Variants in STAB2 observed in about 807,000 individuals in gnomAD.
The protein encoded by STAB2 is stabilin 2.
Under a neutral mutation model 338.1 loss-of-function variants are expected in STAB2, and 288 were observed. That is an observed-to-expected ratio of 0.85 (90% CI 0.77 to 0.94). The LOEUF (loss-of-function observed/expected upper bound fraction) is 0.94. STAB2 is among the 40% of genes least tolerant of loss of function. STAB2 has a pLI of 0.00. For missense variants in STAB2, 3,141 were observed against 3,210.1 expected, an observed-to-expected ratio of 0.98 and a Z score of 0.52; for synonymous variants, 1,202 against 1,193.3, an observed-to-expected ratio of 1.01 and a Z score of -0.15.
chr12:103,595,430 A>T (rs1956860708), intron 3 of STAB2, among the ~76,000 whole-genome samples: 1 of 152,176 alleles, frequency 6.6e-6, no homozygotes, highest in Admixed American at 6.5e-5. Context: ...AAAAAATATC[A>T]ATTTGTATTC....
chr12:103,713,872 T>G, intron 42 of STAB2, 104 bp downstream of exon 42: 1 of 1,531,064 alleles, frequency 6.5e-7, no homozygotes, highest in South Asian at 1.2e-5. Flanking sequence ...AAAACTGAGG[T>G]CAGTATTCCA....
Position 103,674,104 on chromosome 12 carries a change from A to C in STAB2, c.2552+17A>C. On this transcript the variant is annotated intron_variant, in intron 23 of 68. Transcript: ENST00000388887. ...GACAGCCAGGTAGGTCTGTGAGGGA[A>C]TGGCCCTTAATGACGCTGAGTCATT... The C allele has an allele frequency of 6.3e-7, 1 of 1,599,860 alleles. No individual in the cohort carries two copies. The highest frequency in any genetic ancestry group is 8.6e-7 in the Non-Finnish European group (1 of 1,169,284).
chr12:103,626,449 T>A (rs1217427079), intron 5 of STAB2, among the ~76,000 whole-genome samples: 1 of 152,188 alleles, frequency 6.6e-6, no homozygotes, highest in Non-Finnish European at 1.5e-5. Context: ...CCTAAACCTT[T>A]CTCATCTATA....
chr12:103,652,579 T>C lies in STAB2; in HGVS notation c.1281T>C (p.Asn427=), dbSNP rs1046562984. Reference sequence around the variant, plus strand: ...AGGTAAATGAGCTTTTGGTGGATAATAAAGCTGCTCAATACTTTGTGAAAC... The same window carrying C: ...AGGTAAATGAGCTTTTGGTGGATAACAAAGCTGCTCAATACTTTGTGAAAC... The part of the protein sequence containing the change: ...GFNVNELLVD[N]KAAQYFVKLH... Residue 427 remains asparagine (N), a synonymous_variant, in exon 12 of 69, where the codon AAT becomes AAC. Transcript: ENST00000388887. The C allele has an allele frequency of 6.3e-7, 1 of 1,596,202 alleles. No homozygotes were observed. Among genetic ancestry groups the C allele is most frequent in the Non-Finnish European group, 8.5e-7 (1 of 1,173,648 alleles).
Position 103,745,215 on chromosome 12 carries a change from C to G in STAB2, c.6074C>G (p.Thr2025Arg). Residue 2025 changes from threonine (T) to arginine (R), a missense_variant, in exon 57 of 69, where the codon ACG becomes AGG. By Grantham distance (71) the Thr-to-Arg change is moderately conservative. Transcript: ENST00000388887. Reference sequence around the variant, plus strand: ...CACGGACAGTGCGATGATGGCATCACGGGCTCCGGGCAGTGCCTCTGTGAA... The same window carrying G: ...CACGGACAGTGCGATGATGGCATCAGGGGCTCCGGGCAGTGCCTCTGTGAA... The part of the protein sequence containing the change: ...SDHGQCDDGI[T>R]GSGQCLCETG... 1 of 1,614,034 alleles carries G rather than the reference C, an allele frequency of 6.2e-7. No homozygotes were observed. The highest frequency in any genetic ancestry group is 8.5e-7 in the Non-Finnish European group (1 of 1,179,986).
chr12:103,675,889 G>C lies in STAB2; in HGVS notation c.2553-39G>C, dbSNP rs141678485. ...GCTGGCTCTCTTCTGGGTCGTTGGT[G>C]CTTATTCTGGGGCTGATATTGCACA... On this transcript the variant is annotated intron_variant, in intron 23 of 68. Transcript: ENST00000388887. 3.9e-6 allele frequency: 6 copies of C among 1,543,204 alleles called. No homozygotes were observed. The Admixed American group carries it at 7.2e-5, about 19-fold the overall frequency.
chr12:103,674,120 C>A (rs756756075), intron 23 of STAB2, 33 bp downstream of exon 23: 14 of 1,591,202 alleles, frequency 8.8e-6, no homozygotes, highest in Middle Eastern at 1.7e-4. Context: ...CTTAATGACG[C>A]TGAGTCATTA....
intron 30 of STAB2, among the ~76,000 whole-genome samples, chr12:103,692,493 A>G (rs1046636926): frequency 2.6e-5 from 4 of 152,206 alleles, no homozygotes; most frequent in Non-Finnish European, 5.9e-5. Flanking sequence ...ATGAAATAGC[A>G]TGGAATAGAA....
intron 18 of STAB2, among the ~76,000 whole-genome samples, chr12:103,663,949 G>C (rs1203554760): frequency 6.6e-6 from 1 of 152,176 alleles, no homozygotes; most frequent in Non-Finnish European, 1.5e-5. Context: ...CAGCTTTACT[G>C]TAAGAGGGAC....
At chr12:103,697,812 C>CT (rs1465832264) in intron 33 of STAB2, among the ~76,000 whole-genome samples, 19 of 152,200 alleles carry the variant, frequency 1.2e-4, no homozygotes, top group African/African-American at 4.3e-4. Context: ...ACCCCTAAAG[C>CT]TAGGAGAACA....
chr12:103,725,581 CACGTGTGTGTGCATGTGTGT>C (rs1200574076), intron 45 of STAB2, among the ~76,000 whole-genome samples: 3 of 151,494 alleles, frequency 2.0e-5, no homozygotes, highest in African/African-American at 4.9e-5. Context: ...AATGTGTGTA[CACGTGTGTGTGCATGTGTGT>C]ACGTGTGTGT....
At chr12:103,643,159 A>T (rs994789495) in intron 9 of STAB2, among the ~76,000 whole-genome samples, 2 of 152,004 alleles carry the variant, frequency 1.3e-5, no homozygotes, top group African/African-American at 4.8e-5. Flanking sequence ...AGGGGTAGGG[A>T]GCTCTCTGGG....
Position 103,648,710 on chromosome 12 carries a change from A to T in STAB2, c.1061A>T (p.Tyr354Phe). 1 of 1,614,100 alleles carries T rather than the reference A, an allele frequency of 6.2e-7. No individual in the cohort carries two copies. Among genetic ancestry groups the T allele is most frequent in the Non-Finnish European group, 8.5e-7 (1 of 1,179,978 alleles). ...TGTAGATGCATTTGCCAGAAAGGTT[A>T]CGTGGGTGATGGCTTAACGTGTTAT... is the stretch of plus-strand genomic sequence containing the variant. Reference protein sequence around the residue: ...GRTECICQKGYVGDGLTCYGN... With the variant: ...GRTECICQKGFVGDGLTCYGN... The change falls in exon 10 of 69, where the codon TAC becomes TTC. Residue 354 changes from tyrosine to phenylalanine, a missense_variant. Tyr to Phe is a conservative substitution (Grantham distance 22, BLOSUM62 3). Coordinates refer to ENST00000388887, the MANE Select transcript of STAB2 (RefSeq NM_017564.10).
chr12:103,696,873 A>T (rs1329969920), intron 33 of STAB2, among the ~76,000 whole-genome samples: 3 of 152,152 alleles, frequency 2.0e-5, no homozygotes, highest in Admixed American at 6.5e-5. Context: ...TAAAACACAC[A>T]GCAGCTCTGC....
chr12:103,596,155 C>T lies in STAB2; in HGVS notation c.331+1645C>T, dbSNP rs572024841. On this transcript the variant is annotated intron_variant, in intron 3 of 68. Transcript: ENST00000388887. ...AACTCCGACTTCCAGATTTTAAGAACATTTTTTGTGCCAAATGTGGTCATG... is the reference window on the plus strand; with the variant it reads ...AACTCCGACTTCCAGATTTTAAGAATATTTTTTGTGCCAAATGTGGTCATG... Among the ~76,000 whole-genome samples the T allele has an allele frequency of 2.6e-5, 4 of 152,330 alleles. No homozygotes were observed. In the South Asian group the frequency reaches 8.3e-4, roughly 32 times the overall value.
At chr12:103,626,185 C>T (rs1452974805) in intron 5 of STAB2, among the ~76,000 whole-genome samples, 1 of 152,186 alleles carries the variant, frequency 6.6e-6, no homozygotes, top group Non-Finnish European at 1.5e-5. Flanking sequence ...TGCACTGTCC[C>T]ATACAGTAGC....
At chr12:103,757,237 C>T (rs1424036002) in intron 63 of STAB2, among the ~76,000 whole-genome samples, 5 of 151,536 alleles carry the variant, frequency 3.3e-5, no homozygotes. Flanking sequence ...TACAGGCACA[C>T]ACCACCACAC....
Position 103,587,536 on chromosome 12 carries a change from C to T in STAB2, c.60C>T (p.Ser20=), listed in dbSNP as rs956499435. 6.8e-6 allele frequency: 11 copies of T among 1,613,970 alleles called. No individual in the cohort carries two copies. Among genetic ancestry groups the T allele is most frequent in the Non-Finnish European group, 9.3e-6 (11 of 1,179,896 alleles). The change falls in exon 1 of 69, where the codon TCC becomes TCT. Residue 20 remains serine (S), a synonymous_variant. Transcript: ENST00000388887. ...GATTGGTTGTACAAAATTTCTGCTC[C>T]CCAGCTGAAACCACAGGGCAGGTAA... ...CLGLVVQNFC[S]PAETTGQARR...
chr12:103,705,586 A>G, intron 36 of STAB2, 46 bp from the exon 37 acceptor site: 2 of 1,580,930 alleles, frequency 1.3e-6, no homozygotes, highest in Non-Finnish European at 1.7e-6. Context: ...AGACTGGAAA[A>G]CTTTTTCCTA....
Sources: gnomAD v4.1 joint callset for allele counts (sites outside exome capture counted in the v4.1 genomes callset) on GRCh38, gnomAD v4.1.1 for gene constraint, MANE v1.5 for transcripts, NCBI Gene and HGNC (gene_info 2026-07-23, HGNC 2026-07-21) for gene names.